The following CNTNAP4 variants were observed in gnomAD, a reference collection of about 807,000 sequenced individuals.
The protein encoded by CNTNAP4 is contactin associated protein family member 4.
A neutral mutation model predicts 148.4 loss-of-function variants in CNTNAP4; 98 were observed. That is an observed-to-expected ratio of 0.66 (90% CI 0.56 to 0.78). The LOEUF is 0.78. CNTNAP4 is among the 30% of genes least tolerant of loss of function. The probability of loss-of-function intolerance (pLI) is 0.00; values close to 1 mark genes in which losing one functional copy is unlikely to be tolerated. For missense variants in CNTNAP4, 1,935 were observed against 1,565.6 expected (o/e 1.24, Z -3.98); for synonymous variants, 730 against 565.1 (o/e 1.29, Z -4.14).
intron 21 of CNTNAP4, among the ~76,000 whole-genome samples, chr16:76,541,234 T>TG (rs1418274575): frequency 6.6e-6 from 1 of 152,220 alleles, no homozygotes; most frequent in African/African-American, 2.4e-5. Context: ...GGTTATGACT[T>TG]GGATTCTATT....
chr16:76,522,302 T>C (rs768391469), intron 17 of CNTNAP4, 45 bp downstream of exon 17: 3 of 1,518,720 alleles, frequency 2.0e-6, no homozygotes, highest in African/African-American at 1.4e-5. Flanking sequence ...TGATATGTGT[T>C]CAGAAATGGC....
chr16:76,536,177 C>A (rs1201965481), intron 18 of CNTNAP4, among the ~76,000 whole-genome samples: 1 of 151,942 alleles, frequency 6.6e-6, no homozygotes, highest in African/African-American at 2.4e-5. Context: ...ATTTTAAAAT[C>A]ATTTAAAGCA....
chr16:76,423,233 C>T (rs1037890465), intron 3 of CNTNAP4, among the ~76,000 whole-genome samples: 3 of 152,020 alleles, frequency 2.0e-5, no homozygotes, highest in African/African-American at 7.2e-5. Context: ...TATTTTTTCT[C>T]TCTGAAAAGT....
At chr16:76,431,833 G>C (rs1368755868) in intron 4 of CNTNAP4, among the ~76,000 whole-genome samples, 1 of 151,348 alleles carries the variant, frequency 6.6e-6, no homozygotes, top group Non-Finnish European at 1.5e-5. Context: ...TTGAACAACT[G>C]TCTGGAAGGG....
At chr16:76,399,243 G>A (rs750959737) in intron 3 of CNTNAP4, among the ~76,000 whole-genome samples, 11 of 152,050 alleles carry the variant, frequency 7.2e-5, no homozygotes, top group Non-Finnish European at 1.5e-4. Context: ...TAACTGTGTA[G>A]TCTTGGATAA....
intron 3 of CNTNAP4, among the ~76,000 whole-genome samples, chr16:76,415,037 A>G (rs1217230730): frequency 6.6e-6 from 1 of 151,220 alleles, no homozygotes; most frequent in Admixed American, 6.6e-5. Context: ...AAAGAAGAAT[A>G]TACAGAAGTC....
chr16:76,331,915 C>T (rs763315585), intron 2 of CNTNAP4, among the ~76,000 whole-genome samples: 4 of 152,280 alleles, frequency 2.6e-5, no homozygotes, highest in South Asian at 4.2e-4. Flanking sequence ...GCAATAAACT[C>T]CTTCAGTTTT....
In CNTNAP4 at chr16:76,467,436, G is replaced by C; in HGVS notation, c.1568G>C (p.Gly523Ala). ...TGTATGAGGCTCATTTCTATCAGCG[G>C]CAAAGTGGTAGATCTGATTTCAGTT... Reference protein sequence around the residue: ...QGCMRLISISGKVVDLISVQQ... With the variant: ...QGCMRLISISAKVVDLISVQQ... The change falls in exon 10 of 24, where the codon GGC (glycine) becomes GCC (alanine). Residue 523 changes from glycine to alanine, a missense_variant. Coordinates refer to ENST00000611870, the MANE Select transcript of CNTNAP4 (RefSeq NM_033401.5). 6.2e-7 allele frequency: 1 copy of C among 1,613,772 alleles called. No homozygotes were observed. Among genetic ancestry groups the C allele is most frequent in the Non-Finnish European group, 8.5e-7 (1 of 1,179,774 alleles).
intron 3 of CNTNAP4, among the ~76,000 whole-genome samples, chr16:76,378,863 G>T (rs981686655): frequency 2.0e-5 from 3 of 152,172 alleles, no homozygotes; most frequent in African/African-American, 4.8e-5. Context: ...TCAAGTTCAG[G>T]TTTGCGGAAC....
At chr16:76,277,888 C>G in intron 1 of CNTNAP4, 141 bp downstream of exon 1, 2 of 646,400 alleles carry the variant, frequency 3.1e-6, no homozygotes, top group Middle Eastern at 5.4e-4. Flanking sequence ...AAAAATCTTG[C>G]CAATGTGACC....
intron 2 of CNTNAP4, among the ~76,000 whole-genome samples, chr16:76,334,800 C>T (rs552585520): frequency 6.6e-6 from 1 of 152,024 alleles, no homozygotes; most frequent in South Asian, 2.1e-4. Context: ...TTAGTGACTC[C>T]TGCTTTATTC....
At chr16:76,491,688 C>G (rs766061021) in intron 13 of CNTNAP4, among the ~76,000 whole-genome samples, 3 of 152,154 alleles carry the variant, frequency 2.0e-5, no homozygotes, top group Non-Finnish European at 4.4e-5. Flanking sequence ...TGCTGTGGAA[C>G]AAAATGAACT....
chr16:76,423,786 A>T (rs185661375), intron 3 of CNTNAP4, among the ~76,000 whole-genome samples: 1 of 152,218 alleles, frequency 6.6e-6, no homozygotes, highest in African/African-American at 2.4e-5. Context: ...TTGATCAGTT[A>T]ATAAATATAA....
At position 76,389,405 on chromosome 16, in the gene CNTNAP4, C is replaced by G. The variant is rs144057533; in HGVS notation, c.390+33894C>G. On this transcript the variant is annotated intron_variant, in intron 3 of 23. Coordinates refer to ENST00000611870, the MANE Select transcript of CNTNAP4 (RefSeq NM_033401.5). ...GGCAACGTTGCTTGTGGCTCTTCTTCCACTCAGCGCTTTGACAGTGCTGTT... is the reference window on the plus strand; with the variant it reads ...GGCAACGTTGCTTGTGGCTCTTCTTGCACTCAGCGCTTTGACAGTGCTGTT... Among the ~76,000 whole-genome samples the G allele has an allele frequency of 3.3e-5, 5 of 152,228 alleles. No homozygotes were observed. In the East Asian group the frequency reaches 9.7e-4, roughly 29 times the overall value.
intron 4 of CNTNAP4, among the ~76,000 whole-genome samples, chr16:76,431,477 G>A (rs1052738583): frequency 3.9e-5 from 6 of 152,040 alleles, no homozygotes; most frequent in African/African-American, 9.7e-5. Context: ...TCAGGAGTTC[G>A]AGACCAGCCT....
In CNTNAP4 at chr16:76,558,985, T is replaced by C; in HGVS notation, c.*302T>C. ...TTTTTACATGTGAAAACTGTAGCCT[T>C]GGTCTCTTAACCATGTAATACATAA... On this transcript the variant is annotated 3_prime_UTR_variant, in exon 24 of 24. Transcript: ENST00000611870. The C allele has an allele frequency of 5.1e-6, 1 of 197,536 alleles. No individual in the cohort carries two copies. The highest frequency in any genetic ancestry group is 1.0e-5 in the Non-Finnish European group (1 of 98,308). 12.2% of individuals were successfully genotyped at this position (197,536 alleles called of 1,614,324 possible).
intron 12 of CNTNAP4, among the ~76,000 whole-genome samples, chr16:76,483,429 C>A (rs1568354923): frequency 1.3e-5 from 2 of 152,148 alleles, no homozygotes; most frequent in South Asian, 2.1e-4. Flanking sequence ...CCAATCAATA[C>A]ATAATCTTGT....
rs184987915 is a variant in CNTNAP4 at position 76,512,812 on chromosome 16, G to A, written c.2366-8328G>A. Among the ~76,000 whole-genome samples, 114 of 152,294 alleles carry A rather than the reference G, an allele frequency of 7.5e-4. 1 individual carries two copies. Among genetic ancestry groups the A allele is most frequent in the African/African-American group, 2.5e-3 (104 of 41,572 alleles). On this transcript the variant is annotated intron_variant, in intron 15 of 23. Coordinates refer to ENST00000611870, the MANE Select transcript of CNTNAP4 (RefSeq NM_033401.5). ...ATATCACCTATGAGAAAAGAAGAGT[G>A]TGGGTATCCTGGACTCCAAGTGAAG...
At chr16:76,294,419 G>A (rs1253846613) in intron 1 of CNTNAP4, among the ~76,000 whole-genome samples, 1 of 152,060 alleles carries the variant, frequency 6.6e-6, no homozygotes, top group African/African-American at 2.4e-5. Context: ...TACCTATGAA[G>A]TGATAGTTTA....
Sources: allele counts gnomAD v4.1 joint callset (sites outside exome capture counted in the v4.1 genomes callset), GRCh38; gene constraint gnomAD v4.1.1; transcripts MANE v1.5; gene names NCBI Gene and HGNC (gene_info 2026-07-23, HGNC 2026-07-21).